Variants in SOX5 observed in about 807,000 individuals in gnomAD.
SOX5 encodes the protein SRY-box transcription factor 5.
SOX5 carries 9 observed loss-of-function variants against 92.0 expected under a neutral mutation model. The observed-to-expected ratio is 0.10, with a 90% CI of 0.06 to 0.17. The LOEUF (loss-of-function observed/expected upper bound fraction) is 0.17. SOX5 is among the 10% of genes least tolerant of loss of function. The pLI is 1.00. For synonymous variants in SOX5, 344 were observed against 336.3 expected, an observed-to-expected ratio of 1.02 and a Z score of -0.25; for missense variants, 642 against 944.5, an observed-to-expected ratio of 0.68 and a Z score of 4.20.
In SOX5 at chr12:23,530,417, C is replaced by T. The variant is rs984096203; in HGVS notation, c.*3802G>A. ...AGTGAATTAAGGTAAAATTCTACTC[C>T]GGAAATCAAATCTATAAAATAGCTT... On this transcript the variant is annotated 3_prime_UTR_variant, in exon 15 of 15. Coordinates refer to ENST00000451604, the MANE Select transcript of SOX5 (RefSeq NM_006940.6). The T allele has an allele frequency of 2.0e-5, 3 of 151,976 alleles. No individual in the cohort carries two copies. Among genetic ancestry groups the T allele is most frequent in the Non-Finnish European group, 2.9e-5 (2 of 68,008 alleles). The allele number at this position is 151,976 out of a possible 1,614,324, so 9.4% of individuals were successfully genotyped here.
At chr12:24,053,459 C>G (rs1957787139) in intron 4 of SOX5, among the ~76,000 whole-genome samples, 1 of 152,120 alleles carries the variant, frequency 6.6e-6, no homozygotes, top group African/African-American at 2.4e-5. Flanking sequence ...ATACACATAT[C>G]TCTCTTAAAG....
At chr12:23,595,998 C>A (rs1312056565) in intron 9 of SOX5, among the ~76,000 whole-genome samples, 3 of 152,116 alleles carry the variant, frequency 2.0e-5, no homozygotes, top group Non-Finnish European at 4.4e-5. Flanking sequence ...CTTGATATTG[C>A]GAGACTCTAG....
At chr12:23,759,010 A>AACACACACAC (rs761303900) in intron 3 of SOX5, among the ~76,000 whole-genome samples, 1 of 108,360 alleles carries the variant, frequency 9.2e-6, no homozygotes, top group South Asian at 3.8e-4. Flanking sequence ...GGCAACACAA[A>AACACACACAC]ACACACACAC....
chr12:23,667,700 G>T (rs181730943), intron 6 of SOX5, among the ~76,000 whole-genome samples: 185 of 152,266 alleles, frequency 1.2e-3, no homozygotes, highest in Non-Finnish European at 1.9e-3. Flanking sequence ...GGAACTGAAA[G>T]AGGAACTACA....
chr12:23,798,304 T>C (rs1349656242), intron 3 of SOX5, among the ~76,000 whole-genome samples: 5 of 151,894 alleles, frequency 3.3e-5, no homozygotes. Flanking sequence ...ACCTAATAAT[T>C]TGTGCTGCCT....
intron 6 of SOX5, among the ~76,000 whole-genome samples, chr12:23,698,831 C>A (rs1350885015): frequency 6.6e-6 from 1 of 152,132 alleles, no homozygotes; most frequent in Non-Finnish European, 1.5e-5. Flanking sequence ...AAGGTCTGGT[C>A]TGGAATAGCT....
At chr12:24,015,595 G>A (rs1411807272) in intron 4 of SOX5, among the ~76,000 whole-genome samples, 80 of 152,202 alleles carry the variant, frequency 5.3e-4, no homozygotes, top group Non-Finnish European at 8.8e-5. Context: ...TCTCCATTGC[G>A]CTAATACACT....
intron 10 of SOX5, among the ~76,000 whole-genome samples, chr12:23,570,925 AAAAAAATATATAT>A (rs1236673881): frequency 5.0e-4 from 18 of 35,722 alleles, no homozygotes; most frequent in African/African-American, 1.9e-3. Context: ...AAAAAAAAAA[AAAAAAATATATAT>A]ATATATATAT....
chr12:24,049,247 A>T (rs1284946540), intron 4 of SOX5, among the ~76,000 whole-genome samples: 1 of 152,142 alleles, frequency 6.6e-6, no homozygotes, highest in Non-Finnish European at 1.5e-5. Flanking sequence ...GACTTCTAAT[A>T]ACTGAAAGGG....
At chr12:23,762,621 A>AT (rs1555326244) in intron 3 of SOX5, 4 of 541,750 alleles carry the variant, frequency 7.4e-6, no homozygotes, top group Non-Finnish European at 1.3e-5. Context: ...AAGAAAAAAA[A>AT]AAAAGTCTTT....
At chr12:24,061,685 C>G (rs976746821) in intron 4 of SOX5, among the ~76,000 whole-genome samples, 3 of 148,298 alleles carry the variant, frequency 2.0e-5, no homozygotes, top group South Asian at 2.2e-4. Flanking sequence ...AGTCCCTAGT[C>G]ATAACTGAAT....
chr12:23,807,274 T>C (rs1477455883), intron 3 of SOX5, among the ~76,000 whole-genome samples: 3 of 152,328 alleles, frequency 2.0e-5, no homozygotes, highest in Non-Finnish European at 4.4e-5. Flanking sequence ...GCGAAAATTC[T>C]AATACCCAGC....
intron 4 of SOX5, among the ~76,000 whole-genome samples, chr12:24,202,141 C>CG (rs955686665): frequency 1.8e-4 from 27 of 152,268 alleles, no homozygotes; most frequent in African/African-American, 6.0e-4. Context: ...AAAGTATCCC[C>CG]GGGGTTTACA....
At chr12:24,086,018 T>TA (rs1297668633) in intron 4 of SOX5, among the ~76,000 whole-genome samples, 3 of 151,954 alleles carry the variant, frequency 2.0e-5, no homozygotes, top group African/African-American at 7.2e-5. Flanking sequence ...GTAAAATACT[T>TA]AAAGTATTTC....
chr12:24,234,292 C>T (rs192306585), intron 3 of SOX5, among the ~76,000 whole-genome samples: 1 of 152,176 alleles, frequency 6.6e-6, no homozygotes, highest in Non-Finnish European at 1.5e-5. Context: ...AAATTACTGA[C>T]ATTTACCATA....
intron 1 of SOX5, among the ~76,000 whole-genome samples, chr12:24,397,063 C>T (rs1338197924): frequency 1.3e-5 from 2 of 152,158 alleles, no homozygotes; most frequent in East Asian, 1.9e-4. Flanking sequence ...GAAGTACCAT[C>T]GCATCCTGCT....
At chr12:23,767,928 T>C (rs1470770923) in intron 3 of SOX5, among the ~76,000 whole-genome samples, 1 of 152,138 alleles carries the variant, frequency 6.6e-6, no homozygotes, top group Non-Finnish European at 1.5e-5. Context: ...ATAGTTAATG[T>C]ATGATATTTA....
chr12:24,449,263 G>A (rs1050794792), intron 1 of SOX5, among the ~76,000 whole-genome samples: 3 of 152,010 alleles, frequency 2.0e-5, no homozygotes, highest in African/African-American at 4.8e-5. Context: ...CTGTGTTCTC[G>A]CTCTTATCAA....
chr12:24,011,992 C>A (rs1451010944), intron 4 of SOX5, among the ~76,000 whole-genome samples: 2 of 152,074 alleles, frequency 1.3e-5, no homozygotes, highest in Non-Finnish European at 1.5e-5. Context: ...ACATTTTTCC[C>A]AGGACTTCAA....
Sources: gnomAD v4.1 joint callset for allele counts (sites outside exome capture counted in the v4.1 genomes callset) on GRCh38, gnomAD v4.1.1 for gene constraint, MANE v1.5 for transcripts, NCBI Gene and HGNC (gene_info 2026-07-23, HGNC 2026-07-21) for gene names.